FNDC3B: variants seen among roughly 807,000 people sequenced by gnomAD.
The protein encoded by FNDC3B is fibronectin type III domain containing 3B.
In FNDC3B, 12 loss-of-function variants were observed where a neutral mutation model predicts 151.5. That is an observed-to-expected ratio of 0.08 (90% CI 0.05 to 0.13). The LOEUF (loss-of-function observed/expected upper bound fraction) is 0.13. Among genes scored for constraint, FNDC3B ranks in the 10% least tolerant of loss-of-function variants. The probability of loss-of-function intolerance (pLI) is 1.00; values close to 1 mark genes in which losing one functional copy is unlikely to be tolerated. For synonymous variants in FNDC3B, 528 were observed against 549.0 expected, an observed-to-expected ratio of 0.96 and a Z score of 0.54; for missense variants, 1,214 against 1,505.3, an observed-to-expected ratio of 0.81 and a Z score of 3.20.
At chr3:172,173,848 C>G (rs1278837190) in intron 3 of FNDC3B, among the ~76,000 whole-genome samples, 5 of 151,774 alleles carry the variant, frequency 3.3e-5, no homozygotes, top group Non-Finnish European at 7.4e-5. Flanking sequence ...GGGTGGGAAG[C>G]CTCCCGATGT....
Position 172,040,381 on chromosome 3 carries a change from C to T in FNDC3B, c.-29+610C>T, listed in dbSNP as rs191658371. Among the ~76,000 whole-genome samples the T allele has an allele frequency of 0.014, 2,166 of 151,940 alleles. 49 individuals are homozygous for T. Among genetic ancestry groups the T allele is most frequent in the African/African-American group, 0.048 (1,972 of 41,494 alleles). On this transcript the variant is annotated intron_variant, in intron 1 of 25. Transcript: ENST00000415807. The surrounding 1 kb of genome is among the most constrained non-coding windows in gnomAD (Gnocchi z 6.6). Reference sequence around the variant, plus strand: ...ATGCTCGCGGGGAGGGTCCCGAGCCCGCGCCGGCCTGGCCCCCCCGTCCCC... The same window carrying T: ...ATGCTCGCGGGGAGGGTCCCGAGCCTGCGCCGGCCTGGCCCCCCCGTCCCC...
chr3:172,130,462 C>T (rs1387746787), intron 2 of FNDC3B, among the ~76,000 whole-genome samples: 2 of 151,890 alleles, frequency 1.3e-5, no homozygotes, highest in Non-Finnish European at 1.5e-5. Context: ...CTTAAAAGCC[C>T]GTTACCTATC....
chr3:172,063,652 C>T (rs1370700794), intron 1 of FNDC3B, among the ~76,000 whole-genome samples: 2 of 152,112 alleles, frequency 1.3e-5, no homozygotes. Flanking sequence ...CATTCAGATG[C>T]CATTATTTTA....
chr3:172,296,628 C>G (rs559735126), intron 8 of FNDC3B, among the ~76,000 whole-genome samples: 2 of 152,182 alleles, frequency 1.3e-5, no homozygotes, highest in Admixed American at 6.5e-5. Context: ...TAGGATATTC[C>G]TAACTCTGGC....
At chr3:172,337,547 G>T (rs1161052470) in intron 16 of FNDC3B, 146 bp downstream of exon 16, 3 of 588,470 alleles carry the variant, frequency 5.1e-6, no homozygotes, top group African/African-American at 3.8e-5. Context: ...TCACATATTG[G>T]CAGTTTTTCT....
intron 1 of FNDC3B, among the ~76,000 whole-genome samples, chr3:172,106,763 C>A (rs183772880): frequency 6.6e-6 from 1 of 152,226 alleles, no homozygotes; most frequent in East Asian, 1.9e-4. Flanking sequence ...CGTTGTTTTT[C>A]ATGAATTTGG....
intron 11 of FNDC3B, among the ~76,000 whole-genome samples, chr3:172,317,696 A>G (rs1421494819): frequency 1.3e-5 from 2 of 152,216 alleles, no homozygotes; most frequent in African/African-American, 4.8e-5. Flanking sequence ...CATATTGTTG[A>G]TATAAGTTTA....
At chr3:172,203,996 G>T (rs1384264807) in intron 3 of FNDC3B, among the ~76,000 whole-genome samples, 1 of 152,184 alleles carries the variant, frequency 6.6e-6, no homozygotes, top group East Asian at 1.9e-4. Flanking sequence ...AAGAAGGGCC[G>T]CCAGCGTCTC....
intron 2 of FNDC3B, among the ~76,000 whole-genome samples, chr3:172,132,894 TA>T (rs1275128043): frequency 1.1e-4 from 17 of 152,342 alleles, no homozygotes; most frequent in Middle Eastern, 3.4e-3. Context: ...TTCATATAAG[TA>T]AAACATTGAC....
intron 23 of FNDC3B, among the ~76,000 whole-genome samples, chr3:172,364,365 A>C (rs1734505181): frequency 6.6e-6 from 1 of 152,224 alleles, no homozygotes; most frequent in East Asian, 1.9e-4. Context: ...AATCCTTAGA[A>C]AATAGCTTCT....
intron 3 of FNDC3B, among the ~76,000 whole-genome samples, chr3:172,197,003 A>G (rs1383276706): frequency 6.6e-6 from 1 of 151,976 alleles, no homozygotes; most frequent in Non-Finnish European, 1.5e-5. Flanking sequence ...CAACATAGTG[A>G]AACCCTGTCT....
In FNDC3B at chr3:172,202,239, A is replaced by G. The variant is rs149678776; in HGVS notation, c.188-24632A>G. Among the ~76,000 whole-genome samples the G allele has an allele frequency of 4.1e-3, 624 of 152,280 alleles. 3 individuals carry two copies. The highest frequency in any genetic ancestry group is 0.014 in the African/African-American group (592 of 41,562). On this transcript the variant is annotated intron_variant, in intron 3 of 25. Coordinates refer to ENST00000415807, the MANE Select transcript of FNDC3B (RefSeq NM_022763.4). ...TTTAATGACTCTTTATTTGTAAGTT[A>G]GAAATTTGGGCTAAGCATTCCCTGC...
intron 4 of FNDC3B, among the ~76,000 whole-genome samples, chr3:172,234,159 A>G (rs1406893459): frequency 1.3e-5 from 2 of 152,152 alleles, no homozygotes; most frequent in African/African-American, 4.8e-5. Flanking sequence ...ATAATAGAAC[A>G]TGGGATTAGT....
At chr3:172,209,335 C>T (rs1576799958) in intron 3 of FNDC3B, among the ~76,000 whole-genome samples, 1 of 152,198 alleles carries the variant, frequency 6.6e-6, no homozygotes, top group Non-Finnish European at 1.5e-5. Flanking sequence ...AGTGTTACAG[C>T]TCCTTTCGTT....
intron 20 of FNDC3B, 122 bp from the exon 21 acceptor site, chr3:172,347,090 A>G (rs1733649355): frequency 2.4e-6 from 2 of 830,996 alleles, no homozygotes; most frequent in Non-Finnish European, 3.7e-6. Context: ...CCTTTCTTTT[A>G]TATGTATTTG....
intron 6 of FNDC3B, among the ~76,000 whole-genome samples, chr3:172,270,926 T>G (rs1164156082): frequency 6.6e-6 from 1 of 152,246 alleles, no homozygotes; most frequent in African/African-American, 2.4e-5. Context: ...TTGCACAGCA[T>G]GTAGCACAGT....
chr3:172,191,403 C>T (rs973968519), intron 3 of FNDC3B, among the ~76,000 whole-genome samples: 11 of 152,162 alleles, frequency 7.2e-5, no homozygotes, highest in Non-Finnish European at 1.6e-4. Context: ...CATTATTGTC[C>T]TCCTCATCAT....
chr3:172,219,637 C>A (rs1043478400), intron 3 of FNDC3B, among the ~76,000 whole-genome samples: 5 of 152,238 alleles, frequency 3.3e-5, no homozygotes, highest in African/African-American at 1.2e-4. Context: ...CACCCTCCTG[C>A]CTCAGCCTTT....
At chr3:172,304,207 CA>C (rs1731077234) in intron 9 of FNDC3B, among the ~76,000 whole-genome samples, 1 of 152,118 alleles carries the variant, frequency 6.6e-6, no homozygotes, top group African/African-American at 2.4e-5. Context: ...TAAAAATGAA[CA>C]AAGAATTTAC....
Sources: gnomAD v4.1 joint callset for allele counts (sites outside exome capture counted in the v4.1 genomes callset) on GRCh38, gnomAD v4.1.1 for gene constraint, Gnocchi (gnomAD v3.1) non-coding constraint, MANE v1.5 for transcripts, NCBI Gene and HGNC (gene_info 2026-07-23, HGNC 2026-07-21) for gene names.